IRF2BP2: variants seen among roughly 807,000 people sequenced by gnomAD.
IRF2BP2 encodes the protein interferon regulatory factor 2 binding protein 2, also known as interferon regulatory factor 2-binding protein 2.
IRF2BP2 carries 13 observed loss-of-function variants against 32.7 expected under a neutral mutation model. The ratio of observed to expected loss-of-function variants is 0.40; its 90% confidence interval spans 0.26 to 0.63. The LOEUF is 0.63. Ranked by LOEUF, IRF2BP2 falls within the 30% of genes least tolerant of loss-of-function variation. IRF2BP2 has a pLI of 0.42. For missense variants in IRF2BP2, 980 were observed against 830.6 expected, an observed-to-expected ratio of 1.18 and a Z score of -2.21; for synonymous variants, 555 against 384.6, an observed-to-expected ratio of 1.44 and a Z score of -5.18.
rs1312863218 is a variant in IRF2BP2, at chr1:234,609,745, C to T, written c.-251G>A. Among the ~76,000 whole-genome samples, 2 of 144,932 alleles carry T rather than the reference C, an allele frequency of 1.4e-5. No individual in the cohort carries two copies. Among genetic ancestry groups the T allele is most frequent in the African/African-American group, 4.9e-5 (2 of 40,526 alleles). On this transcript the variant is annotated 5_prime_UTR_variant, in exon 1 of 2. Coordinates refer to ENST00000366609, the MANE Select transcript of IRF2BP2 (RefSeq NM_182972.3). ...GGGCTGCAGCCGCGGCAGCAGTTCC[C>T]CCCGGCCGGCCCGGGCACGGGCGGG...
rs1187530175 is a variant in IRF2BP2 at position 234,609,531 on chromosome 1, G to A, written c.-37C>T. 7 of 1,311,036 alleles carry A rather than the reference G, an allele frequency of 5.3e-6. No individual in the cohort carries two copies. Among genetic ancestry groups the A allele is most frequent in the Admixed American group, 3.4e-5 (1 of 29,394 alleles). The allele number at this position is 1,311,036 out of a possible 1,614,324, so 81.2% of individuals were successfully genotyped here. A position where few individuals can be genotyped will look rare whatever the true frequency, so the allele number is the denominator to read the frequency against. On this transcript the variant is annotated 5_prime_UTR_variant, in exon 1 of 2. Coordinates refer to ENST00000366609, the MANE Select transcript of IRF2BP2 (RefSeq NM_182972.3). Reference sequence around the variant, plus strand: ...CCGCGACGCCGGAGGAGGAGGCGGAGGAGGAGGAGGGGGCGCCGCCGCCGC... The same window carrying A: ...CCGCGACGCCGGAGGAGGAGGCGGAAGAGGAGGAGGGGGCGCCGCCGCCGC...
chr1:234,608,237 C>T (rs1255331199), intron 1 of IRF2BP2: 2 of 538,084 alleles, frequency 3.7e-6, no homozygotes, highest in African/African-American at 1.9e-5. Context: ...CGTGTCAGAG[C>T]GTATCAGCCC....
Position 234,607,806 on chromosome 1 carries a change from A to T in IRF2BP2, c.1095T>A (p.Gly365=), listed in dbSNP as rs1672206724. ...RKRKPSPEPE[G]EVGPPKINGE... is the part of the protein sequence containing the mutation. The stretch of plus-strand genomic sequence containing the variant: ...CGTTGATCTTAGGGGGCCCGACTTC[A>T]CCTTCTGGTTCTGGAGAGGGCTTCC... Residue 365 remains glycine (G), a synonymous_variant, in exon 2 of 2, where the codon GGT becomes GGA. Transcript: ENST00000366609. 1 of 1,607,958 alleles carries T rather than the reference A, an allele frequency of 6.2e-7. No homozygotes were observed. The highest frequency in any genetic ancestry group is 1.3e-5 in the African/African-American group (1 of 74,648).
chr1:234,608,531 C>G lies in IRF2BP2; in HGVS notation c.964G>C (p.Glu322Gln), dbSNP rs1672236955. ...LHQHGHSGPF[E>Q]SKFKKEPALT... ...GCCGGCTCCTTCTTAAACTTGCTCT[C>G]GAAGGGCCCCGAGTGGCCGTGCTGG... Residue 322 changes from glutamate to glutamine, a missense_variant, in exon 1 of 2, where the codon GAG becomes CAG. Coordinates refer to ENST00000366609, the MANE Select transcript of IRF2BP2 (RefSeq NM_182972.3). 3 of 1,610,686 alleles carry G rather than the reference C, an allele frequency of 1.9e-6. No individual in the cohort carries two copies. The highest frequency in any genetic ancestry group is 1.7e-5 in the Admixed American group (1 of 59,734).
In IRF2BP2 at chr1:234,607,509, CAT is replaced by C; in HGVS notation, c.1390_1391del (p.Met464GlufsTer80). On this transcript the variant is annotated frameshift_variant, in exon 2 of 2. Transcript: ENST00000366609. LOFTEE classifies it high-confidence loss of function. ...CTCTGGGGCCCAGCCTTCTTTGGTT[CAT>C]AGAGGACGGAGAGGGCGGACTGTTG... is the stretch of plus-strand genomic sequence containing the variant. Reference protein sequence around the residue: ...NSNSPPSPSSMNQRRLGPREV... With the variant: ...NSNSPPSPSSXNQRRLGPREV... 1 of 1,614,116 alleles carries C rather than the reference CAT, an allele frequency of 6.2e-7. No homozygotes were observed. Among genetic ancestry groups the C allele is most frequent in the Non-Finnish European group, 8.5e-7 (1 of 1,179,948 alleles).
rs1212670475 is a variant in IRF2BP2 at position 234,605,011 on chromosome 1, GC to G, written c.*2125del. 17 of 152,346 alleles carry G rather than the reference GC, an allele frequency of 1.1e-4. No individual in the cohort carries two copies. Among genetic ancestry groups the G allele is most frequent in the African/African-American group, 3.8e-4 (16 of 41,574 alleles). The allele number at this position is 152,346 out of a possible 1,614,324, so 9.4% of individuals were successfully genotyped here. ...CACCAGTACAGAGAAACCACAGGTT[GC>G]CCTTTCCACAGCTGGATAGACTTAT... On this transcript the variant is annotated 3_prime_UTR_variant, in exon 2 of 2. Transcript: ENST00000366609.
In IRF2BP2 at chr1:234,606,045, G is replaced by C. The variant is rs937090819; in HGVS notation, c.*1092C>G. On this transcript the variant is annotated 3_prime_UTR_variant, in exon 2 of 2. Transcript: ENST00000366609. ...GATATGCCCAAGGGCAGTCCTGGCAGCACCACGCGGCTGTTACTGTCATTG... is the reference window on the plus strand; with the variant it reads ...GATATGCCCAAGGGCAGTCCTGGCACCACCACGCGGCTGTTACTGTCATTG... The C allele has an allele frequency of 1.3e-5, 2 of 152,246 alleles. No homozygotes were observed. Among genetic ancestry groups the C allele is most frequent in the Admixed American group, 1.3e-4 (2 of 15,286 alleles). 9.4% of individuals were successfully genotyped at this position (152,246 alleles called of 1,614,324 possible).
rs1672298340 is a variant in IRF2BP2 at position 234,609,842 on chromosome 1, G to A, written c.-348C>T. Among the ~76,000 whole-genome samples the A allele has an allele frequency of 7.0e-6, 1 of 142,936 alleles. No homozygotes were observed. The highest frequency in any genetic ancestry group is 2.5e-5 in the African/African-American group (1 of 39,940). The allele number at this position is 142,936 out of a possible 152,430, so 93.8% of individuals were successfully genotyped here. A position where few individuals can be genotyped will look rare whatever the true frequency, so the allele number is the denominator to read the frequency against. ...GGAGCCGCGGCGGGCCTCCAGACCGGGGCGAAGACGGGCCGCGCGGGCGCG... is the reference window on the plus strand; with the variant it reads ...GGAGCCGCGGCGGGCCTCCAGACCGAGGCGAAGACGGGCCGCGCGGGCGCG... On this transcript the variant is annotated 5_prime_UTR_variant, in exon 1 of 2. Coordinates refer to ENST00000366609, the MANE Select transcript of IRF2BP2 (RefSeq NM_182972.3).
In IRF2BP2 at chr1:234,605,244, T is replaced by A. The variant is rs1009890518; in HGVS notation, c.*1893A>T. 2.6e-5 allele frequency: 4 copies of A among 152,248 alleles called. No homozygotes were observed. The highest frequency in any genetic ancestry group is 7.2e-5 in the African/African-American group (3 of 41,460). 9.4% of individuals were successfully genotyped at this position (152,248 alleles called of 1,614,324 possible). A position where few individuals can be genotyped will look rare whatever the true frequency, so the allele number is the denominator to read the frequency against. ...CTTTACAAATGTCTTTATGGGCATG[T>A]AAAATTGACTCTGCATTTCTGCATG... On this transcript the variant is annotated 3_prime_UTR_variant, in exon 2 of 2. Coordinates refer to ENST00000366609, the MANE Select transcript of IRF2BP2 (RefSeq NM_182972.3).
At position 234,604,631 on chromosome 1, in the gene IRF2BP2, A is replaced by T. The variant is rs577559438; in HGVS notation, c.*2506T>A. ...ATTCTATAAATTGTTAAAAGCAAAAAAGGGAAAGCTTCAACACCCCATCCC... is the reference window on the plus strand; with the variant it reads ...ATTCTATAAATTGTTAAAAGCAAAATAGGGAAAGCTTCAACACCCCATCCC... On this transcript the variant is annotated 3_prime_UTR_variant, in exon 2 of 2. Transcript: ENST00000366609. 1 of 152,358 alleles carries T rather than the reference A, an allele frequency of 6.6e-6. No homozygotes were observed. The highest frequency in any genetic ancestry group is 1.9e-4 in the East Asian group (1 of 5,194). 9.4% of individuals were successfully genotyped at this position (152,358 alleles called of 1,614,324 possible).
rs1265117929 is a variant in IRF2BP2, at chr1:234,609,271, G to T, written c.224C>A (p.Ala75Asp). The T allele has an allele frequency of 7.2e-7, 1 of 1,396,516 alleles. No individual in the cohort carries two copies. The highest frequency in any genetic ancestry group is 3.5e-5 in the Admixed American group (1 of 28,960). 86.5% of individuals were successfully genotyped at this position (1,396,516 alleles called of 1,614,324 possible). A position where few individuals can be genotyped will look rare whatever the true frequency, so the allele number is the denominator to read the frequency against. ...CGGCTTGGCGGCGGCCGAGGCCGCG[G>T]CGCCGGGTGGGGAGCGACCCTCCGG... ...CFPEGRSPPGAAASAAAKPPP... is the reference protein window; with the variant it reads ...CFPEGRSPPGDAASAAAKPPP... The change falls in exon 1 of 2, where the codon GCC becomes GAC. Residue 75 changes from alanine (A) to aspartate (D), a missense_variant. Transcript: ENST00000366609.
chr1:234,610,014 G>A lies in IRF2BP2; in HGVS notation c.-520C>T, dbSNP rs1672306237. Among the ~76,000 whole-genome samples the A allele has an allele frequency of 6.9e-6, 1 of 145,408 alleles. No individual in the cohort carries two copies. Among genetic ancestry groups the A allele is most frequent in the Non-Finnish European group, 1.5e-5 (1 of 65,474 alleles). On this transcript the variant is annotated 5_prime_UTR_variant, in exon 1 of 2. Transcript: ENST00000366609. ...GCCGCGCCGGGGTGGCGGCGGCCGG[G>A]CGGCGTGGAGCTCGGGCGCGGCGCG...
Position 234,609,487 on chromosome 1 carries a change from G to C in IRF2BP2, c.8C>G (p.Ala3Gly). The change falls in exon 1 of 2, where the codon GCG (alanine) becomes GGG (glycine). Residue 3 changes from alanine to glycine, a missense_variant. Ala to Gly is a moderately conservative substitution (Grantham distance 60). Transcript: ENST00000366609. ...GGACGCGGCCGCCACCGCCACCGCC[G>C]CGGCCATGTCCGAGGAGCCCGCGAC... MA[A>G]AVAVAAASRR... 2 of 1,498,944 alleles carry C rather than the reference G, an allele frequency of 1.3e-6. No individual in the cohort carries two copies. Among genetic ancestry groups the C allele is most frequent in the Non-Finnish European group, 1.8e-6 (2 of 1,125,104 alleles). 92.9% of individuals were successfully genotyped at this position (1,498,944 alleles called of 1,614,324 possible).
Position 234,609,542 on chromosome 1 carries a change from GGGCGC to G in IRF2BP2, c.-53_-49del. On this transcript the variant is annotated 5_prime_UTR_variant, in exon 1 of 2. Coordinates refer to ENST00000366609, the MANE Select transcript of IRF2BP2 (RefSeq NM_182972.3). ...GAGGAGGAGGCGGAGGAGGAGGAGGGGGCGCCGCCGCCGCCCCCCACCGGCACCAC... is the reference window on the plus strand; with the variant it reads ...GAGGAGGAGGCGGAGGAGGAGGAGGGCGCCGCCGCCCCCCACCGGCACCAC... 8.4e-7 allele frequency: 1 copy of G among 1,184,690 alleles called. No individual in the cohort carries two copies. The highest frequency in any genetic ancestry group is 1.9e-5 in the South Asian group (1 of 51,442). 73.4% of individuals were successfully genotyped at this position (1,184,690 alleles called of 1,614,324 possible).
At position 234,609,027 on chromosome 1, in the gene IRF2BP2, G is replaced by C. The variant is rs761558293; in HGVS notation, c.468C>G (p.Ile156Met). Residue 156 changes from isoleucine (I) to methionine (M), a missense_variant, in exon 1 of 2, where the codon ATC becomes ATG. Physicochemically the swap from Ile to Met is conservative, Grantham distance 10. Transcript: ENST00000366609. ...PTPQPPPVNG[I>M]LVPNGFSKLE... is the part of the protein sequence containing the mutation. ...GCTTGGAGAAGCCGTTGGGCACCAG[G>C]ATGCCGTTCACGGGCGGCGGCTGCG... The C allele has an allele frequency of 5.3e-6, 7 of 1,321,302 alleles. No homozygotes were observed. Among genetic ancestry groups the C allele is most frequent in the Non-Finnish European group, 6.7e-6 (7 of 1,038,428 alleles). 81.8% of individuals were successfully genotyped at this position (1,321,302 alleles called of 1,614,324 possible).
chr1:234,609,919 G>C lies in IRF2BP2; in HGVS notation c.-425C>G, dbSNP rs1558310452. 7.1e-6 allele frequency among the ~76,000 whole-genome samples: 1 copy of C among 141,310 alleles called. No individual in the cohort carries two copies. Among genetic ancestry groups the C allele is most frequent in the African/African-American group, 2.5e-5 (1 of 39,518 alleles). 92.7% of individuals were successfully genotyped at this position (141,310 alleles called of 152,430 possible). On this transcript the variant is annotated 5_prime_UTR_variant, in exon 1 of 2. Transcript: ENST00000366609. ...GCCGGCACGGAGTGCGGGGCGGGGGGCGGGGAGGCCGGGGGGGCAGGGGGC... is the reference window on the plus strand; with the variant it reads ...GCCGGCACGGAGTGCGGGGCGGGGGCCGGGGAGGCCGGGGGGGCAGGGGGC...
rs1018389629 is a variant in IRF2BP2, at chr1:234,604,493, C to A, written c.*2644G>T. On this transcript the variant is annotated 3_prime_UTR_variant, in exon 2 of 2. Transcript: ENST00000366609. Reference sequence around the variant, plus strand: ...AAAAAGTAAAGGTTAAAAGGTGGCACACTTTTAAAATACTTGGTGGCCAAG... The same window carrying A: ...AAAAAGTAAAGGTTAAAAGGTGGCAAACTTTTAAAATACTTGGTGGCCAAG... 2 of 152,048 alleles carry A rather than the reference C, an allele frequency of 1.3e-5. No individual in the cohort carries two copies. The highest frequency in any genetic ancestry group is 2.9e-5 in the Non-Finnish European group (2 of 68,000). The allele number at this position is 152,048 out of a possible 1,614,324, so 9.4% of individuals were successfully genotyped here.
rs1207850410 is a variant in IRF2BP2 at position 234,608,679 on chromosome 1, G to A, written c.816C>T (p.Ser272=). The change falls in exon 1 of 2, where the codon AGC becomes AGT. Residue 272 remains serine (S), a synonymous_variant. Transcript: ENST00000366609. ...CGGCGGCCCCGGCCGCGGTGGACAG[G>A]CTGTCGGCCGGGCCCCGGTGCGCAG... The part of the protein sequence containing the change: ...PPPAHRGPAD[S]LSTAAGAAEL... 6.6e-7 allele frequency: 1 copy of A among 1,514,238 alleles called. No homozygotes were observed. Among genetic ancestry groups the A allele is most frequent in the Non-Finnish European group, 8.8e-7 (1 of 1,141,924 alleles). The allele number at this position is 1,514,238 out of a possible 1,614,324, so 93.8% of individuals were successfully genotyped here.
Position 234,604,469 on chromosome 1 carries a change from AAAAGT to A in IRF2BP2, c.*2663_*2667del, listed in dbSNP as rs1437260622. On this transcript the variant is annotated 3_prime_UTR_variant, in exon 2 of 2. Coordinates refer to ENST00000366609, the MANE Select transcript of IRF2BP2 (RefSeq NM_182972.3). ...GAAAAAGTATCACCTTCAACTTAAA[AAAAGT>A]AAAGGTTAAAAGGTGGCACACTTTT... 1 of 152,338 alleles carries A rather than the reference AAAAGT, an allele frequency of 6.6e-6. No homozygotes were observed. Among genetic ancestry groups the A allele is most frequent in the East Asian group, 1.9e-4 (1 of 5,196 alleles). 9.4% of individuals were successfully genotyped at this position (152,338 alleles called of 1,614,324 possible).
Sources: gnomAD v4.1 joint callset for allele counts (sites outside exome capture counted in the v4.1 genomes callset) on GRCh38, gnomAD v4.1.1 for gene constraint, MANE v1.5 for transcripts, NCBI Gene and HGNC (gene_info 2026-07-23, HGNC 2026-07-21) for gene names.